Variants in XYLB observed in about 807,000 individuals in gnomAD.
XYLB encodes the protein xylulokinase.
A neutral mutation model predicts 78.7 loss-of-function variants in XYLB; 62 were observed. The observed-to-expected ratio is 0.79, with a 90% CI of 0.64 to 0.97. The LOEUF (loss-of-function observed/expected upper bound fraction) is 0.97, where lower values mean the gene tolerates loss of function less well. XYLB is among the 50% of genes least tolerant of loss of function. The pLI is 0.00. For synonymous variants in XYLB, 245 were observed against 247.4 expected (o/e 0.99, Z 0.09); for missense variants, 687 against 676.8 (o/e 1.02, Z -0.17).
chr3:38,397,197 G>T (rs1415531642), intron 17 of XYLB, 38 bp downstream of exon 17: 2 of 1,599,464 alleles, frequency 1.3e-6, no homozygotes, highest in Admixed American at 3.3e-5. Context: ...TCTGGAAGTG[G>T]CCAGGACATG....
intron 1 of XYLB, among the ~76,000 whole-genome samples, chr3:38,347,207 C>T (rs934668676): frequency 2.0e-5 from 3 of 152,204 alleles, no homozygotes; most frequent in African/African-American, 7.2e-5. Flanking sequence ...CGGCAGGACC[C>T]CCGGTGCCCA....
downstream of XYLB, among the ~76,000 whole-genome samples, chr3:38,422,597 C>A (rs1709013448): frequency 6.6e-6 from 1 of 152,026 alleles, no homozygotes; most frequent in Non-Finnish European, 1.5e-5. Flanking sequence ...TGAAGTATAT[C>A]AAAGTATTTA....
the XYLB span, among the ~76,000 whole-genome samples, chr3:38,442,163 CT>C: frequency 6.6e-6 from 1 of 152,176 alleles, no homozygotes; most frequent in East Asian, 1.9e-4. Flanking sequence ...GTATTCATTC[CT>C]TGCTGAGGGC....
chr3:38,441,709 T>C, the XYLB span, among the ~76,000 whole-genome samples: 36 of 152,148 alleles, frequency 2.4e-4, no homozygotes, highest in African/African-American at 8.7e-4. Flanking sequence ...GTGAGATTCT[T>C]TTCTTGTATT....
At position 38,376,144 on chromosome 3, in the gene XYLB, G is replaced by A. The variant is rs777866098; in HGVS notation, c.1032G>A (p.Glu344=). The change falls in exon 13 of 19, where the codon GAG becomes GAA. Residue 344 remains glutamate, a synonymous_variant. Coordinates refer to ENST00000207870, the MANE Select transcript of XYLB (RefSeq NM_005108.4). ...TTAAAAATGGCTCCCTCATGAGAGA[G>A]AAGATCCGCAACGAGTCTGTATCCC... The part of the protein sequence containing the change: ...LCFKNGSLMR[E]KIRNESVSRS... 1.9e-6 allele frequency: 3 copies of A among 1,613,974 alleles called. No homozygotes were observed. The highest frequency in any genetic ancestry group is 1.7e-6 in the Non-Finnish European group (2 of 1,179,964).
At chr3:38,366,119 A>AAG (rs1706247692) in intron 6 of XYLB, among the ~76,000 whole-genome samples, 5 of 151,684 alleles carry the variant, frequency 3.3e-5, no homozygotes, top group Admixed American at 3.3e-4. Context: ...TTAAAAAAAA[A>AAG]AAAAAAAGGA....
downstream of XYLB, among the ~76,000 whole-genome samples, chr3:38,416,577 A>AT (rs991563733): frequency 6.6e-6 from 1 of 152,222 alleles, no homozygotes. Flanking sequence ...TCTGTTATTT[A>AT]TAAGAGACAC....
chr3:38,395,317 A>G (rs554244139), intron 15 of XYLB, among the ~76,000 whole-genome samples, 188 bp from the exon 16 acceptor site: 3 of 152,338 alleles, frequency 2.0e-5, no homozygotes, highest in African/African-American at 4.8e-5. Flanking sequence ...CAGCAACCTT[A>G]CAAGCAAATG....
chr3:38,353,919 T>C (rs1213908850), intron 2 of XYLB, among the ~76,000 whole-genome samples: 3 of 148,164 alleles, frequency 2.0e-5, no homozygotes, highest in Non-Finnish European at 4.5e-5. Context: ...CATCTTTACC[T>C]CCATGATTTG....
chr3:38,422,116 T>C (rs1219508532), downstream of XYLB, among the ~76,000 whole-genome samples: 5 of 152,342 alleles, frequency 3.3e-5, no homozygotes, highest in South Asian at 4.1e-4. Flanking sequence ...CCTTTTGTAA[T>C]GGGACTGTTA....
In XYLB at chr3:38,371,937, G is replaced by A. The variant is rs1318159990; in HGVS notation, c.766-718G>A. Among the ~76,000 whole-genome samples, 3 of 152,314 alleles carry A rather than the reference G, an allele frequency of 2.0e-5. No individual in the cohort carries two copies. In the East Asian group the frequency reaches 5.8e-4, roughly 29 times the overall value. On this transcript the variant is annotated intron_variant, in intron 9 of 18. Coordinates refer to ENST00000207870, the MANE Select transcript of XYLB (RefSeq NM_005108.4). ...CACCGGGACTGGTAATCCACACACG[G>A]CTTTTAGTTGGATGTGAAATTCAGA...
At chr3:38,371,202 G>A (rs959455330) in intron 9 of XYLB, among the ~76,000 whole-genome samples, 2 of 152,128 alleles carry the variant, frequency 1.3e-5, no homozygotes, top group African/African-American at 2.4e-5. Context: ...ACCAACTCCT[G>A]GGCTCAAGTG....
the XYLB span, among the ~76,000 whole-genome samples, chr3:38,450,397 A>ACAAC: frequency 6.6e-6 from 1 of 152,186 alleles, no homozygotes; most frequent in African/African-American, 2.4e-5. Context: ...CCATAGCTTG[A>ACAAC]TACTAAAGAA....
At chr3:38,392,218 T>C (rs1257537068) in intron 15 of XYLB, among the ~76,000 whole-genome samples, 1 of 152,222 alleles carries the variant, frequency 6.6e-6, no homozygotes, top group South Asian at 2.1e-4. Context: ...GCAACAACCT[T>C]TAAATCTGTT....
chr3:38,417,607 C>A (rs1389852809), downstream of XYLB, among the ~76,000 whole-genome samples: 3 of 152,120 alleles, frequency 2.0e-5, no homozygotes, highest in Non-Finnish European at 2.9e-5. Flanking sequence ...CTAGCCCAGG[C>A]ATAGTAGCTC....
At chr3:38,449,361 T>C in the XYLB span, among the ~76,000 whole-genome samples, 794 of 152,320 alleles carry the variant, frequency 5.2e-3, 7 homozygotes, top group African/African-American at 0.018. Context: ...GACCTCGTGA[T>C]CCACCTGCCT....
At position 38,360,362 on chromosome 3, in the gene XYLB, A is replaced by T; in HGVS notation, c.164A>T (p.His55Leu). The change falls in exon 3 of 19, where the codon CAC becomes CTC. Residue 55 changes from histidine (H) to leucine (L), a missense_variant. Physicochemically the swap from His to Leu is moderately conservative, Grantham distance 99. Transcript: ENST00000207870. ...EFGTQGGVHV[H>L]KDGLTVTSPV... is the part of the protein sequence containing the mutation. The stretch of plus-strand genomic sequence containing the variant: ...AGGACTCAGGGTGGTGTTCATGTGC[A>T]CAAGGATGGGCTGACGGTCACTTCT... The T allele has an allele frequency of 1.2e-6, 2 of 1,613,776 alleles. No individual in the cohort carries two copies. The highest frequency in any genetic ancestry group is 2.2e-5 in the East Asian group (1 of 44,846).
chr3:38,422,915 T>A (rs914706423), downstream of XYLB, among the ~76,000 whole-genome samples: 1 of 152,160 alleles, frequency 6.6e-6, no homozygotes, highest in Admixed American at 6.5e-5. Flanking sequence ...CCGGAACCTA[T>A]ACCTTTAAAA....
At chr3:38,359,737 G>A (rs1247097499) in intron 2 of XYLB, among the ~76,000 whole-genome samples, 3 of 152,048 alleles carry the variant, frequency 2.0e-5, no homozygotes, top group Non-Finnish European at 4.4e-5. Context: ...CATTTCTCTT[G>A]GCTGGATACT....
Sources: gnomAD v4.1 joint callset for allele counts (sites outside exome capture counted in the v4.1 genomes callset) on GRCh38, gnomAD v4.1.1 for gene constraint, MANE v1.5 for transcripts, NCBI Gene and HGNC (gene_info 2026-07-23, HGNC 2026-07-21) for gene names.